PCDHGA5: variants seen among roughly 807,000 people sequenced by gnomAD.
PCDHGA5 encodes the protein protocadherin gamma subfamily A, 5, also known as protocadherin gamma-A5.
PCDHGA5 carries 36 observed loss-of-function variants against 56.7 expected under a neutral mutation model. That is an observed-to-expected ratio of 0.64 (90% CI 0.49 to 0.84). The LOEUF is 0.84. Ranked by LOEUF, PCDHGA5 falls within the 40% of genes least tolerant of loss-of-function variation. The pLI is 0.00. For missense variants in PCDHGA5, 1,305 were observed against 1,201.5 expected, an observed-to-expected ratio of 1.09 and a Z score of -1.27; for synonymous variants, 563 against 520.2, an observed-to-expected ratio of 1.08 and a Z score of -1.12.
At chr5:141,443,330 C>A (rs1005631067) in intron 1 of PCDHGA5, among the ~76,000 whole-genome samples, 44 of 139,282 alleles carry the variant, frequency 3.2e-4, no homozygotes, top group African/African-American at 4.5e-4. Flanking sequence ...AAAAAAAAAA[C>A]AAAAATTAAC....
rs1471215172 is a variant in PCDHGA5 at position 141,511,840 on chromosome 5, TCTG to T, written c.*668_*670del. 1 of 156,722 alleles carries T rather than the reference TCTG, an allele frequency of 6.4e-6. No homozygotes were observed. Among genetic ancestry groups the T allele is most frequent in the African/African-American group, 2.4e-5 (1 of 41,448 alleles). The allele number at this position is 156,722 out of a possible 1,614,324, so 9.7% of individuals were successfully genotyped here. A position where few individuals can be genotyped will look rare whatever the true frequency, so the allele number is the denominator to read the frequency against. On this transcript the variant is annotated 3_prime_UTR_variant, in exon 4 of 4. Coordinates refer to ENST00000518069, the MANE Select transcript of PCDHGA5 (RefSeq NM_018918.3). ...TTCCCAACGCCCTGGGGACCAGTCTTCTGTTTTGTTTTTCATTGTTTGACGTTT... is the reference window on the plus strand; with the variant it reads ...TTCCCAACGCCCTGGGGACCAGTCTTTTTTGTTTTTCATTGTTTGACGTTT...
At chr5:141,429,796 A>C (rs2097245618) in intron 1 of PCDHGA5, among the ~76,000 whole-genome samples, 1 of 152,216 alleles carries the variant, frequency 6.6e-6, no homozygotes, top group Non-Finnish European at 1.5e-5. Flanking sequence ...ATTACCAGTA[A>C]TTCTCAGTAA....
At chr5:141,374,898 G>T in intron 1 of PCDHGA5, 3 of 1,613,794 alleles carry the variant, frequency 1.9e-6, no homozygotes, top group Non-Finnish European at 2.5e-6. Context: ...CAGGATGAAG[G>T]AGTCCACGGG....
chr5:141,414,992 C>T, intron 1 of PCDHGA5: 2 of 1,613,770 alleles, frequency 1.2e-6, no homozygotes, highest in Non-Finnish European at 1.7e-6. Flanking sequence ...GGCCAGAACG[C>T]CTGGCTGTCC....
chr5:141,501,509 C>T lies in PCDHGA5; in HGVS notation c.2481-3884C>T, dbSNP rs1046763108. 4.6e-5 allele frequency among the ~76,000 whole-genome samples: 7 copies of T among 152,080 alleles called. No individual in the cohort carries two copies. The South Asian group carries it at 6.2e-4, about 14-fold the overall frequency. On this transcript the variant is annotated intron_variant, in intron 2 of 3. Transcript: ENST00000518069. The stretch of plus-strand genomic sequence containing the variant: ...ATATCTGCTGCTGGGGCTCCAAGGC[C>T]TCCAAGCTGAAGCCCAGTACGTTGT...
chr5:141,451,037 C>T (rs1293972996), intron 1 of PCDHGA5, among the ~76,000 whole-genome samples: 1 of 151,594 alleles, frequency 6.6e-6, no homozygotes, highest in Middle Eastern at 3.2e-3. Context: ...ACCATATTGG[C>T]CAGGCTGGTC....
chr5:141,402,100 A>G (rs1589449876), intron 1 of PCDHGA5, among the ~76,000 whole-genome samples: 1 of 152,220 alleles, frequency 6.6e-6, no homozygotes, highest in South Asian at 2.1e-4. Flanking sequence ...AGTTTAAGCA[A>G]TTACAAAAAT....
At chr5:141,509,758 C>T (rs574741134) in intron 3 of PCDHGA5, among the ~76,000 whole-genome samples, 17 of 152,202 alleles carry the variant, frequency 1.1e-4, no homozygotes. Flanking sequence ...CTAAAGTGTC[C>T]CTGAGATGTC....
rs2098293800 is a variant in PCDHGA5 at position 141,442,043 on chromosome 5, A to G, written c.2422-52764A>G. The G allele has an allele frequency of 1.9e-5, 4 of 205,506 alleles. No homozygotes were observed. In the South Asian group the frequency reaches 2.4e-4, roughly 12 times the overall value. The allele number at this position is 205,506 out of a possible 1,614,324, so 12.7% of individuals were successfully genotyped here. A position where few individuals can be genotyped will look rare whatever the true frequency, so the allele number is the denominator to read the frequency against. On this transcript the variant is annotated intron_variant, in intron 1 of 3. Transcript: ENST00000518069. ...ACAGGAAAGCGACTCGCCAGCGCCTACTGGTCGCGGTGCACTGCGGTGGAC... is the reference window on the plus strand; with the variant it reads ...ACAGGAAAGCGACTCGCCAGCGCCTGCTGGTCGCGGTGCACTGCGGTGGAC...
chr5:141,414,139 G>A (rs1245110230), intron 1 of PCDHGA5: 6 of 1,596,386 alleles, frequency 3.8e-6, no homozygotes, highest in African/African-American at 1.3e-5. Context: ...CTATGAAATA[G>A]AAATACAAGC....
intron 1 of PCDHGA5, chr5:141,387,615 A>G: frequency 3.5e-6 from 2 of 564,798 alleles, no homozygotes; most frequent in South Asian, 2.4e-5. Flanking sequence ...GTAGTTTCCT[A>G]GTGCTGACTC....
chr5:141,403,083 T>C lies in PCDHGA5; in HGVS notation c.2421+36332T>C, dbSNP rs775664314. 7 of 1,613,932 alleles carry C rather than the reference T, an allele frequency of 4.3e-6. No individual in the cohort carries two copies. The highest frequency in any genetic ancestry group is 2.7e-5 in the African/African-American group (2 of 74,948). ...CCTGAAGAGACAGAAAAGGGCTATATTGTGGGCAACATCTCCAAGGACCTG... is the reference window on the plus strand; with the variant it reads ...CCTGAAGAGACAGAAAAGGGCTATACTGTGGGCAACATCTCCAAGGACCTG... On this transcript the variant is annotated intron_variant, in intron 1 of 3. Transcript: ENST00000518069.
chr5:141,375,138 G>A (rs778788428), intron 1 of PCDHGA5: 2 of 1,613,922 alleles, frequency 1.2e-6, no homozygotes. Context: ...GTTACATCTG[G>A]AAGCAGAACA....
At chr5:141,383,102 C>T (rs991434235) in intron 1 of PCDHGA5, 1 of 1,614,004 alleles carries the variant, frequency 6.2e-7, no homozygotes, top group Non-Finnish European at 8.5e-7. Context: ...CGCATCATCT[C>T]CAGAGGTAGG....
In PCDHGA5 at chr5:141,485,822, G is replaced by A. The variant is rs750883983; in HGVS notation, c.2422-8985G>A. 6.2e-7 allele frequency: 1 copy of A among 1,614,192 alleles called. No individual in the cohort carries two copies. The highest frequency in any genetic ancestry group is 1.1e-5 in the South Asian group (1 of 91,080). ...CCGCCTGGTGCTGACTGCTGTCGAT[G>A]GAGGGAACCCGCCGAGATCTGGCAC... On this transcript the variant is annotated intron_variant, in intron 1 of 3. Transcript: ENST00000518069. This position sits in a 1 kb window ranked among gnomAD's most constrained non-coding sequence, Gnocchi z 5.7.
At chr5:141,407,505 T>TTTTTTTTTTTTTTTTTTTTTTGAGACGG (rs1460306566) in intron 1 of PCDHGA5, among the ~76,000 whole-genome samples, 2 of 152,142 alleles carry the variant, frequency 1.3e-5, no homozygotes, top group African/African-American at 2.4e-5. Context: ...CTGTTTTTCT[T>TTTTTTTTTTTTTTTTTTTTTTGAGACGG]AGGCTATGTA....
At chr5:141,410,471 G>GC in intron 1 of PCDHGA5, 1 of 1,613,988 alleles carries the variant, frequency 6.2e-7, no homozygotes, top group Non-Finnish European at 8.5e-7. Flanking sequence ...TCTGTGCATT[G>GC]CACATACGGG....
intron 1 of PCDHGA5, chr5:141,378,871 A>G (rs1775219585): frequency 1.3e-5 from 2 of 152,236 alleles, no homozygotes; most frequent in East Asian, 3.9e-4. Flanking sequence ...TCGAATAGAA[A>G]ATGGATCACT....
At chr5:141,421,508 A>C in intron 1 of PCDHGA5, 1 of 1,614,046 alleles carries the variant, frequency 6.2e-7, no homozygotes, top group Non-Finnish European at 8.5e-7. Context: ...ATAGACCGGG[A>C]GGAGCTCTGT....
Sources: allele counts gnomAD v4.1 joint callset (sites outside exome capture counted in the v4.1 genomes callset), GRCh38; gene constraint gnomAD v4.1.1; non-coding constraint Gnocchi (gnomAD v3.1); transcripts MANE v1.5; gene names NCBI Gene and HGNC (gene_info 2026-07-23, HGNC 2026-07-21).